Variants in SPAG17 observed in about 807,000 individuals in gnomAD.
The protein encoded by SPAG17 is sperm associated antigen 17.
SPAG17 carries 169 observed loss-of-function variants against 273.6 expected under a neutral mutation model. That is an observed-to-expected ratio of 0.62 (90% confidence interval 0.55 to 0.70). The LOEUF (loss-of-function observed/expected upper bound fraction) is 0.70. Ranked by LOEUF, SPAG17 falls within the 30% of genes least tolerant of loss-of-function variation. The probability of loss-of-function intolerance (pLI) is 0.00; values close to 1 mark genes in which losing one functional copy is unlikely to be tolerated. For synonymous variants in SPAG17, 825 were observed against 873.2 expected (o/e 0.94, Z 0.97); for missense variants, 2,557 against 2,627.8 (o/e 0.97, Z 0.59).
rs772081399 is a variant in SPAG17, at chr1:118,055,928, T to A, written c.2541-14A>T. ...TCCAAATAATTCCTAAACAAACCAA[T>A]AGCAGACGTCAATTGAGTTACTATG... On this transcript the variant is annotated splice_polypyrimidine_tract_variant and intron_variant, in intron 18 of 48. Coordinates refer to ENST00000336338, the MANE Select transcript of SPAG17 (RefSeq NM_206996.4). 6.3e-7 allele frequency: 1 copy of A among 1,590,472 alleles called. No individual in the cohort carries two copies. Among genetic ancestry groups the A allele is most frequent in the East Asian group, 2.2e-5 (1 of 44,580 alleles).
intron 4 of SPAG17, among the ~76,000 whole-genome samples, chr1:118,108,674 T>A (rs1656561171): frequency 6.6e-6 from 1 of 151,900 alleles, no homozygotes; most frequent in East Asian, 1.9e-4. Context: ...CCCCAGCATA[T>A]GAAGGAAGAG....
chr1:118,074,095 TA>T, intron 16 of SPAG17, 128 bp from the exon 17 acceptor site: 1 of 631,686 alleles, frequency 1.6e-6, no homozygotes, highest in Non-Finnish European at 2.7e-6. Flanking sequence ...TATAAATCCA[TA>T]TGGCAACATT....
chr1:117,990,856 C>G lies in SPAG17; in HGVS notation c.5521+5G>C. 1 of 1,561,076 alleles carries G rather than the reference C, an allele frequency of 6.4e-7. No homozygotes were observed. Among genetic ancestry groups the G allele is most frequent in the Non-Finnish European group, 8.7e-7 (1 of 1,144,732 alleles). On this transcript the variant is annotated splice_donor_5th_base_variant and intron_variant, in intron 38 of 48. Coordinates refer to ENST00000336338, the MANE Select transcript of SPAG17 (RefSeq NM_206996.4). ...TACTGCAGAAGAATATTAAATGCAA[C>G]TTACCTTCAGTAACATGACTTTTTG...
At chr1:117,971,825 A>G in intron 45 of SPAG17, 38 bp downstream of exon 45, 1 of 1,564,590 alleles carries the variant, frequency 6.4e-7, no homozygotes, top group South Asian at 1.2e-5. Flanking sequence ...AGGGTAGGGA[A>G]AGGTAACCTG....
chr1:117,956,776 A>T (rs1381859767), intron 48 of SPAG17, among the ~76,000 whole-genome samples: 1 of 152,238 alleles, frequency 6.6e-6, no homozygotes, highest in Admixed American at 6.5e-5. Context: ...AAAGAATATC[A>T]TATGAAGATG....
intron 32 of SPAG17, among the ~76,000 whole-genome samples, chr1:117,997,380 T>C (rs1157874545): frequency 6.6e-6 from 1 of 151,880 alleles, no homozygotes; most frequent in African/African-American, 2.4e-5. Flanking sequence ...TTGCTGTAAA[T>C]TGAAATTTGT....
At position 118,049,551 on chromosome 1, in the gene SPAG17, T is replaced by C. The variant is rs550369665; in HGVS notation, c.2814+4451A>G. On this transcript the variant is annotated intron_variant, in intron 20 of 48. Transcript: ENST00000336338. ...TTCATAATAAAAACTCTCAACAAAGTAGATAAAGAGGAAATGTATCTCAAC... is the reference window on the plus strand; with the variant it reads ...TTCATAATAAAAACTCTCAACAAAGCAGATAAAGAGGAAATGTATCTCAAC... 5.3e-5 allele frequency among the ~76,000 whole-genome samples: 8 copies of C among 152,208 alleles called. No individual in the cohort carries two copies. In the South Asian group the frequency reaches 1.2e-3, roughly 24 times the overall value.
chr1:118,120,128 C>T (rs1171238283), intron 3 of SPAG17, among the ~76,000 whole-genome samples: 1 of 152,058 alleles, frequency 6.6e-6, no homozygotes, highest in African/African-American at 2.4e-5. Context: ...CCCCCACTTC[C>T]CATATAAACA....
intron 1 of SPAG17, among the ~76,000 whole-genome samples, chr1:118,157,976 G>GA (rs977102508): frequency 5.3e-5 from 8 of 151,624 alleles, no homozygotes; most frequent in African/African-American, 1.2e-4. Flanking sequence ...GAGACCCAGG[G>GA]AAAAAAAATC....
chr1:118,122,153 C>CTGTGTGTG (rs34125128), intron 3 of SPAG17, among the ~76,000 whole-genome samples: 42 of 149,260 alleles, frequency 2.8e-4, no homozygotes, highest in African/African-American at 1.0e-3. Context: ...GTCTGTGTGT[C>CTGTGTGTG]TGTGTGTGTG....
At chr1:118,051,544 T>TACACACACACACACACAC (rs147508671) in intron 20 of SPAG17, among the ~76,000 whole-genome samples, 1 of 148,426 alleles carries the variant, frequency 6.7e-6, no homozygotes, top group African/African-American at 2.5e-5. Flanking sequence ...AAATTTGAGA[T>TACACACACACACACACAC]ACACACACAC....
At chr1:118,034,828 A>C (rs1648891716) in intron 24 of SPAG17, among the ~76,000 whole-genome samples, 1 of 152,192 alleles carries the variant, frequency 6.6e-6, no homozygotes, top group African/African-American at 2.4e-5. Flanking sequence ...GATTAAGATT[A>C]AGATTCTTAA....
intron 25 of SPAG17, among the ~76,000 whole-genome samples, chr1:118,031,282 A>C (rs1422541441): frequency 6.7e-6 from 1 of 150,020 alleles, no homozygotes; most frequent in African/African-American, 2.5e-5. Context: ...CAACTTTACC[A>C]AATGAAACTG....
chr1:117,987,023 C>T (rs1162797722), intron 40 of SPAG17, among the ~76,000 whole-genome samples: 1 of 152,112 alleles, frequency 6.6e-6, no homozygotes, highest in Non-Finnish European at 1.5e-5. Flanking sequence ...CTTGCTATAG[C>T]CCCCCAGCTT....
At position 118,151,382 on chromosome 1, in the gene SPAG17, A is replaced by C. The variant is rs369052820; in HGVS notation, c.88-13T>G. 80 of 1,609,402 alleles carry C rather than the reference A, an allele frequency of 5.0e-5. No homozygotes were observed. Among genetic ancestry groups the C allele is most frequent in the Non-Finnish European group, 6.4e-5 (75 of 1,177,022 alleles). On this transcript the variant is annotated splice_polypyrimidine_tract_variant and intron_variant, in intron 1 of 48. Transcript: ENST00000336338. ...CCTGCCAATCGTTCTATTAAAAATCAGACGGAATTAGATTTTAAATATTCC... is the reference window on the plus strand; with the variant it reads ...CCTGCCAATCGTTCTATTAAAAATCCGACGGAATTAGATTTTAAATATTCC...
At chr1:118,010,061 A>C (rs1396056727) in intron 30 of SPAG17, among the ~76,000 whole-genome samples, 1 of 152,074 alleles carries the variant, frequency 6.6e-6, no homozygotes, top group African/African-American at 2.4e-5. Flanking sequence ...TAGAGAGTAG[A>C]ATGGTAGTTA....
intron 13 of SPAG17, among the ~76,000 whole-genome samples, chr1:118,082,183 T>G (rs1035526109): frequency 1.3e-5 from 2 of 152,186 alleles, no homozygotes; most frequent in African/African-American, 2.4e-5. Context: ...ATTGTGTATT[T>G]ACCTTTTTAC....
intron 31 of SPAG17, among the ~76,000 whole-genome samples, chr1:118,007,109 T>G (rs1190618403): frequency 1.3e-5 from 2 of 152,190 alleles, no homozygotes; most frequent in Non-Finnish European, 2.9e-5. Context: ...TTTTTTTGAT[T>G]TTGGTAAAGC....
chr1:117,981,921 G>A (rs937897753), intron 42 of SPAG17, among the ~76,000 whole-genome samples: 3 of 152,204 alleles, frequency 2.0e-5, no homozygotes, highest in Non-Finnish European at 2.9e-5. Context: ...TTGTGTGTGT[G>A]CCAACCCTGG....
Sources: allele counts gnomAD v4.1 joint callset (sites outside exome capture counted in the v4.1 genomes callset), GRCh38; gene constraint gnomAD v4.1.1; transcripts MANE v1.5; gene names NCBI Gene and HGNC (gene_info 2026-07-23, HGNC 2026-07-21).